The following PGAP6 variants were observed in gnomAD, a reference collection of about 807,000 sequenced individuals.
PGAP6 encodes post-GPI attachment to proteins 6, also known as post-GPI attachment to proteins factor 6.
A neutral mutation model predicts 68.4 loss-of-function variants in PGAP6; 62 were observed. The observed-to-expected ratio is 0.91, with a 90% CI of 0.74 to 1.12. The LOEUF (loss-of-function observed/expected upper bound fraction) is 1.12, where lower values mean the gene tolerates loss of function less well. Ranked by LOEUF, PGAP6 falls within the 50% of genes most tolerant of loss-of-function variation. PGAP6 has a pLI of 0.00. For synonymous variants in PGAP6, 575 were observed against 474.0 expected, an observed-to-expected ratio of 1.21 and a Z score of -2.77; for missense variants, 1,188 against 1,068.5, an observed-to-expected ratio of 1.11 and a Z score of -1.56.
chr16:373,908 C>A lies in PGAP6; in HGVS notation c.1902+97G>T, dbSNP rs999605062. ...TGAGGTTTCCAGGGGCCGTGCCCAA[C>A]GCCAGGTCCGGCCTCTCCCACGGTA... On this transcript the variant is annotated intron_variant, in intron 11 of 12. Coordinates refer to ENST00000431232, the MANE Select transcript of PGAP6 (RefSeq NM_021259.3). The A allele has an allele frequency of 2.1e-6, 3 of 1,416,342 alleles. No homozygotes were observed. The African/African-American group carries it at 4.3e-5, about 20-fold the overall frequency. The allele number at this position is 1,416,342 out of a possible 1,614,324, so 87.7% of individuals were successfully genotyped here.
In PGAP6 at chr16:375,437, T is replaced by G; in HGVS notation, c.1225-2A>C. 2 of 1,611,654 alleles carry G rather than the reference T, an allele frequency of 1.2e-6. No individual in the cohort carries two copies. The highest frequency in any genetic ancestry group is 2.2e-5 in the South Asian group (2 of 91,024). ...GACGGTCTCGTTCCGCATCTCTGTC[T>G]GGAAAGGGAGGCGGTGCCGGCTCAG... On this transcript the variant is annotated splice_acceptor_variant, in intron 6 of 12. Transcript: ENST00000431232. LOFTEE classifies it high-confidence loss of function.
intron 1 of PGAP6, among the ~76,000 whole-genome samples, chr16:378,415 GCCACCCACACTGCCATCC>G (rs1567325908): frequency 0.023 from 1,023 of 44,556 alleles, 46 homozygotes; most frequent in Middle Eastern, 0.048. Context: ...CACTGCCATC[GCCACCCACACTGCCATCC>G]CCACCCGCAC....
rs538780854 is a variant in PGAP6, at chr16:374,404, G to A, written c.1577-5C>T. On this transcript the variant is annotated splice_polypyrimidine_tract_variant and splice_region_variant and intron_variant, in intron 9 of 12. Transcript: ENST00000431232. ...TGCAGCTCCACCCACGCCAGCCTGC[G>A]GTCACAAAACCCCGACGCGGAGGCT... The A allele has an allele frequency of 1.0e-5, 16 of 1,560,410 alleles. No homozygotes were observed. The East Asian group carries it at 2.3e-4, about 22-fold the overall frequency.
rs751157101 is a variant in PGAP6, at chr16:374,149, G to A, written c.1758C>T (p.Phe586=). ...VYAYTMFFST[F]YHACDQPGEA... Reference sequence around the variant, plus strand: ...CCCCGGGCTGGTCGCAGGCGTGGTAGAACTGTGGGGAGGCTCCATGAGCGC... The same window carrying A: ...CCCCGGGCTGGTCGCAGGCGTGGTAAAACTGTGGGGAGGCTCCATGAGCGC... Residue 586 remains phenylalanine, a splice_region_variant and synonymous_variant, in exon 11 of 13, where the codon TTC becomes TTT. Coordinates refer to ENST00000431232, the MANE Select transcript of PGAP6 (RefSeq NM_021259.3). 1.2e-6 allele frequency: 2 copies of A among 1,610,750 alleles called. No homozygotes were observed. Among genetic ancestry groups the A allele is most frequent in the South Asian group, 1.1e-5 (1 of 91,088 alleles).
In PGAP6 at chr16:376,617, C is replaced by A; in HGVS notation, c.831G>T (p.Trp277Cys). The change falls in exon 5 of 13, where the codon TGG becomes TGT. Residue 277 changes from tryptophan to cysteine, a missense_variant. Trp to Cys is a radical substitution (Grantham distance 215). Coordinates refer to ENST00000431232, the MANE Select transcript of PGAP6 (RefSeq NM_021259.3). ...LLLPSPPWDR[W>C]LQVTAESLVG... ...CCAGGCTCTCAGCTGTCACTTGCAG[C>A]CACCGGTCCCAGGGCGGTGAGGGCA... 1 of 1,595,672 alleles carries A rather than the reference C, an allele frequency of 6.3e-7. No individual in the cohort carries two copies.
upstream of PGAP6, chr16:383,374 G>A (rs1287419618): frequency 1.3e-5 from 2 of 152,266 alleles, no homozygotes; most frequent in East Asian, 3.9e-4. Flanking sequence ...GTCCACTGAA[G>A]TAACAGCAGC....
At chr16:372,400 G>A (rs1042915284) in intron 12 of PGAP6, 117 bp from the exon 13 acceptor site, 4 of 1,208,590 alleles carry the variant, frequency 3.3e-6, no homozygotes, top group East Asian at 2.4e-5. Flanking sequence ...AACGACAAGG[G>A]TGGGCTGCTT....
intron 11 of PGAP6, 144 bp downstream of exon 11, chr16:373,861 G>A (rs983783943): frequency 2.6e-5 from 27 of 1,057,960 alleles, no homozygotes; most frequent in Non-Finnish European, 3.3e-5. Flanking sequence ...ACAGGTGTGA[G>A]CCACCATGCT....
upstream of PGAP6, among the ~76,000 whole-genome samples, chr16:382,733 C>T (rs1372533734): frequency 7.1e-6 from 1 of 140,138 alleles, no homozygotes; most frequent in Non-Finnish European, 1.5e-5. Context: ...AGAAGTTCCG[C>T]CGCGTCGTGG....
In PGAP6 at chr16:372,707, T is replaced by G. The variant is rs1429974897; in HGVS notation, c.1923A>C (p.Thr641=). 7 of 1,611,262 alleles carry G rather than the reference T, an allele frequency of 4.3e-6. No homozygotes were observed. Among genetic ancestry groups the G allele is most frequent in the Non-Finnish European group, 5.9e-6 (7 of 1,179,116 alleles). The part of the protein sequence containing the change: ...VLKYVLFLLG[T]LVIAMSLQLD... ...GCTGCAAGGACATGGCGATGACCAG[T>G]GTACCCAGAAGAAACAGCACCTGCG... The change falls in exon 12 of 13, where the codon ACA becomes ACC. Residue 641 remains threonine, a synonymous_variant. Transcript: ENST00000431232.
At chr16:377,901 G>A in intron 1 of PGAP6, 53 bp from the exon 2 acceptor site, 2 of 1,467,350 alleles carry the variant, frequency 1.4e-6, no homozygotes, top group South Asian at 1.3e-5. Context: ...CAGGGCCGCA[G>A]ATGGGGAGGA....
At chr16:385,512 CCT>C (rs1174550458), upstream of PGAP6, among the ~76,000 whole-genome samples, 1 of 150,430 alleles carries the variant, frequency 6.6e-6, no homozygotes, top group African/African-American at 2.4e-5. Context: ...GGGATTTCAC[CCT>C]GTTAGCCAGG....
At chr16:380,058 G>A (rs2054424393) in intron 1 of PGAP6, among the ~76,000 whole-genome samples, 2 of 152,146 alleles carry the variant, frequency 1.3e-5, no homozygotes, top group South Asian at 2.1e-4. Context: ...CACCCACAAC[G>A]CCACAGAGCA....
chr16:374,729 C>T (rs375071021), intron 9 of PGAP6, 27 bp downstream of exon 9: 30 of 1,611,080 alleles, frequency 1.9e-5, no homozygotes, highest in African/African-American at 5.3e-5. Context: ...AGCAGCGTCT[C>T]GGGGCGGGCG....
chr16:386,933 G>C, upstream of PGAP6: 1 of 588,146 alleles, frequency 1.7e-6, no homozygotes, highest in Non-Finnish European at 3.3e-6. Context: ...GCCGGAGGCG[G>C]CCTGAATATC....
At chr16:385,670 G>C (rs182158409), upstream of PGAP6, among the ~76,000 whole-genome samples, 2,822 of 125,016 alleles carry the variant, frequency 0.023, 103 homozygotes, top group African/African-American at 0.052. Context: ...TGTCGCCCAG[G>C]CTGGAGTGCA....
chr16:372,402 G>A (rs2054343087), intron 12 of PGAP6, 119 bp from the exon 13 acceptor site: 4 of 1,192,644 alleles, frequency 3.4e-6, no homozygotes, highest in South Asian at 1.4e-5. Flanking sequence ...CGACAAGGGT[G>A]GGCTGCTTCG....
intron 1 of PGAP6, among the ~76,000 whole-genome samples, chr16:378,535 A>G (rs2054412403): frequency 7.2e-6 from 1 of 138,612 alleles, no homozygotes; most frequent in Non-Finnish European, 1.6e-5. Flanking sequence ...GACCCCCTCC[A>G]ACCTTAGAAG....
chr16:382,915 C>G (rs1339646660), upstream of PGAP6, among the ~76,000 whole-genome samples: 1 of 144,620 alleles, frequency 6.9e-6, no homozygotes, highest in African/African-American at 2.9e-5. Context: ...CACAGAAACG[C>G]TCCCCTAGAA....
Sources: gnomAD v4.1 joint callset for allele counts (sites outside exome capture counted in the v4.1 genomes callset) on GRCh38, gnomAD v4.1.1 for gene constraint, MANE v1.5 for transcripts, NCBI Gene and HGNC (gene_info 2026-07-23, HGNC 2026-07-21) for gene names.